TFCP2: variants seen among roughly 807,000 people sequenced by gnomAD.
TFCP2 encodes the protein alpha-globin transcription factor CP2.
TFCP2 carries 33 observed loss-of-function variants against 73.4 expected under a neutral mutation model. The ratio of observed to expected loss-of-function variants is 0.45; its 90% CI spans 0.34 to 0.60. The LOEUF (loss-of-function observed/expected upper bound fraction) is 0.60, where lower values mean the gene tolerates loss of function less well. TFCP2 is among the 20% of genes least tolerant of loss of function. TFCP2 has a pLI of 0.01. For missense variants in TFCP2, 352 were observed against 604.0 expected, an observed-to-expected ratio of 0.58 and a Z score of 4.37; for synonymous variants, 193 against 211.6, an observed-to-expected ratio of 0.91 and a Z score of 0.76.
intron 1 of TFCP2, among the ~76,000 whole-genome samples, chr12:51,167,850 C>T (rs147191462): frequency 4.3e-4 from 66 of 152,038 alleles, no homozygotes; most frequent in African/African-American, 1.4e-3. Flanking sequence ...CTCTTAAGGT[C>T]GGGAGTTAGA....
chr12:51,151,129 C>T (rs1478330025), intron 1 of TFCP2, among the ~76,000 whole-genome samples: 1 of 152,174 alleles, frequency 6.6e-6, no homozygotes, highest in Non-Finnish European at 1.5e-5. Context: ...GGAAGAGTAA[C>T]TGCAAATGCA....
intron 1 of TFCP2, among the ~76,000 whole-genome samples, chr12:51,130,321 A>G (rs1185259722): frequency 1.3e-5 from 2 of 151,738 alleles, no homozygotes; most frequent in Non-Finnish European, 2.9e-5. Context: ...AAAATACAAA[A>G]ATTAGCTGGG....
rs555410153 is a variant in TFCP2 at position 51,173,065 on chromosome 12, G to C, written c.-643C>G. On this transcript the variant is annotated 5_prime_UTR_variant, in exon 1 of 15. Transcript: ENST00000257915. ...ACAGGCGTAAAACCTAGACTCGCCA[G>C]GCCCTTCCACCGTCCGCCGCCCCAG... The C allele has an allele frequency of 2.6e-5, 4 of 152,704 alleles. No individual in the cohort carries two copies. In the East Asian group the frequency reaches 7.7e-4, roughly 30 times the overall value. The allele number at this position is 152,704 out of a possible 1,614,324, so 9.5% of individuals were successfully genotyped here.
chr12:51,139,203 G>A (rs1484017195), intron 1 of TFCP2, among the ~76,000 whole-genome samples: 9 of 152,052 alleles, frequency 5.9e-5, no homozygotes. Context: ...TTTTAAAAAG[G>A]TAAATCTAGA....
chr12:51,103,717 T>C lies in TFCP2; in HGVS notation c.1013A>G (p.His338Arg), dbSNP rs1940163684. ...TGTGAATGTAGAAAAACGATTTCGA[T>C]GCAACCACTGCTGAGCTTCCTGAGG... is the stretch of plus-strand genomic sequence containing the variant. ...TTPQEAQQWL[H>R]RNRFSTFTRL... is the part of the protein sequence containing the mutation. The change falls in exon 10 of 15, where the codon CAT becomes CGT. Residue 338 changes from histidine to arginine, a missense_variant. Around this residue, in one of 6 missense-constraint regions of TFCP2, gnomAD observed 194 missense variants for 256.3 expected, o/e 0.76. Transcript: ENST00000257915. 3 of 1,614,150 alleles carry C rather than the reference T, an allele frequency of 1.9e-6. No homozygotes were observed. The highest frequency in any genetic ancestry group is 2.5e-6 in the Non-Finnish European group (3 of 1,180,020).
At chr12:51,095,661 A>T (rs528279275) in intron 14 of TFCP2, among the ~76,000 whole-genome samples, 16 of 152,000 alleles carry the variant, frequency 1.1e-4, no homozygotes, top group African/African-American at 3.6e-4. Context: ...TAAAAATACA[A>T]AAATTAGCCA....
chr12:51,104,349 A>G (rs1940179281), intron 8 of TFCP2, 146 bp from the exon 9 acceptor site: 1 of 645,218 alleles, frequency 1.5e-6, no homozygotes, highest in African/African-American at 1.9e-5. Flanking sequence ...CTTTGACCCA[A>G]TACTTTAATT....
At position 51,106,835 on chromosome 12, in the gene TFCP2, G is replaced by A. The variant is rs1382840829; in HGVS notation, c.829-222C>T. On this transcript the variant is annotated intron_variant, in intron 7 of 14. Coordinates refer to ENST00000257915, the MANE Select transcript of TFCP2 (RefSeq NM_005653.5). The stretch of plus-strand genomic sequence containing the variant: ...AAAAGAAATAAGTCTAGAAAACTAC[G>A]GTCCCAGGCCATTTTTGTTGGTTAT... 4.1e-5 allele frequency: 21 copies of A among 508,776 alleles called. No individual in the cohort carries two copies. The Middle Eastern group carries it at 1.6e-3, about 39-fold the overall frequency. 31.5% of individuals were successfully genotyped at this position (508,776 alleles called of 1,614,324 possible).
At position 51,094,338 on chromosome 12, in the gene TFCP2, T is replaced by C. The variant is rs1421046504; in HGVS notation, c.*903A>G. The stretch of plus-strand genomic sequence containing the variant: ...GTAGGTCTTGATTTGTTCATCATTA[T>C]TTAGGTGTGCTTTGTCTCTTTCAGT... On this transcript the variant is annotated 3_prime_UTR_variant, in exon 15 of 15. Coordinates refer to ENST00000257915, the MANE Select transcript of TFCP2 (RefSeq NM_005653.5). The C allele has an allele frequency of 6.6e-6, 1 of 152,258 alleles. No homozygotes were observed. The highest frequency in any genetic ancestry group is 6.5e-5 in the Admixed American group (1 of 15,288). The allele number at this position is 152,258 out of a possible 1,614,324, so 9.4% of individuals were successfully genotyped here.
chr12:51,159,690 G>A (rs1941610204), intron 1 of TFCP2, among the ~76,000 whole-genome samples: 1 of 152,006 alleles, frequency 6.6e-6, no homozygotes, highest in South Asian at 2.1e-4. Flanking sequence ...GTATCACTAT[G>A]TTGCCCAGGC....
Position 51,149,034 on chromosome 12 carries a change from A to AAAAAAACAAAAAAC in TFCP2, c.122+23266_122+23267insGTTTTTTGTTTTTT, listed in dbSNP as rs1941363181. Among the ~76,000 whole-genome samples the AAAAAAACAAAAAAC allele has an allele frequency of 1.3e-5, 2 of 148,662 alleles. 1 individual carries two copies. The highest frequency in any genetic ancestry group is 3.9e-4 in the East Asian group (2 of 5,146). Reference sequence around the variant, plus strand: ...AGCAAGACTCCATCTCAAAAAAAAAAAAAAAAACAGAAAGAAAGAAAATGT... The same window carrying AAAAAAACAAAAAAC: ...AGCAAGACTCCATCTCAAAAAAAAAAAAAAAACAAAAAACAAAAAAACAGAAAGAAAGAAAATGT... On this transcript the variant is annotated intron_variant, in intron 1 of 14. Coordinates refer to ENST00000257915, the MANE Select transcript of TFCP2 (RefSeq NM_005653.5).
chr12:51,172,379 T>G lies in TFCP2; in HGVS notation c.44A>C (p.Glu15Ala), dbSNP rs746719914. 1 of 1,614,104 alleles carries G rather than the reference T, an allele frequency of 6.2e-7. No homozygotes were observed. The part of the protein sequence containing the change: ...LKLPLADEVI[E>A]SGLVQDFDAS... ...ATCAAAGTCCTGCACCAACCCGGAT[T>G]CAATCACTTCGTCGGCCAGAGGCAG... is the stretch of plus-strand genomic sequence containing the variant. The change falls in exon 1 of 15, where the codon GAA (glutamate) becomes GCA (alanine). Residue 15 changes from glutamate to alanine, a missense_variant. Coordinates refer to ENST00000257915, the MANE Select transcript of TFCP2 (RefSeq NM_005653.5).
chr12:51,143,413 C>T (rs2730648), intron 1 of TFCP2, among the ~76,000 whole-genome samples: 108,152 of 148,500 alleles, frequency 0.73, 39,524 homozygotes, highest in Non-Finnish European at 0.76. Flanking sequence ...ATCCTCATGT[C>T]CCTTAGCAAG....
At chr12:51,157,154 T>G (rs1242953323) in intron 1 of TFCP2, among the ~76,000 whole-genome samples, 1 of 152,018 alleles carries the variant, frequency 6.6e-6, no homozygotes, top group African/African-American at 2.4e-5. Context: ...TAGCTAGGAT[T>G]ACAGGCATGT....
intron 4 of TFCP2, 21 bp downstream of exon 4, chr12:51,116,294 C>T (rs1163441476): frequency 7.0e-7 from 1 of 1,425,494 alleles, no homozygotes; most frequent in Non-Finnish European, 9.8e-7. Context: ...ATTTCCTAGG[C>T]AATAGATTCT....
intron 1 of TFCP2, among the ~76,000 whole-genome samples, chr12:51,153,554 C>T (rs1941474155): frequency 1.8e-5 from 1 of 54,614 alleles, no homozygotes; most frequent in African/African-American, 6.2e-5. Context: ...GCCCATTAAA[C>T]AAGAACTACT....
At chr12:51,104,030 A>G in intron 9 of TFCP2, 125 bp downstream of exon 9, 1 of 1,036,414 alleles carries the variant, frequency 9.6e-7, no homozygotes, top group South Asian at 1.3e-5. Context: ...GTCAAAATTC[A>G]ATAAATGTTT....
chr12:51,168,958 C>CT (rs1216123711), intron 1 of TFCP2, among the ~76,000 whole-genome samples: 2 of 151,840 alleles, frequency 1.3e-5, no homozygotes, highest in Non-Finnish European at 2.9e-5. Flanking sequence ...TGCACCACCA[C>CT]GCCCAACTAA....
At chr12:51,146,306 T>C (rs1029411582) in intron 1 of TFCP2, among the ~76,000 whole-genome samples, 2 of 150,842 alleles carry the variant, frequency 1.3e-5, no homozygotes, top group Non-Finnish European at 2.9e-5. Context: ...AGATCCTATC[T>C]CAAAAAAAAA....
Sources: allele counts gnomAD v4.1 joint callset (sites outside exome capture counted in the v4.1 genomes callset), GRCh38; gene constraint gnomAD v4.1.1; regional missense constraint gnomAD v4.1.1; transcripts MANE v1.5; gene names NCBI Gene and HGNC (gene_info 2026-07-23, HGNC 2026-07-21).